The following APOD variants were observed in gnomAD, a reference collection of about 807,000 sequenced individuals.
The protein encoded by APOD is apolipoprotein D.
A neutral mutation model predicts 20.4 loss-of-function variants in APOD; 22 were observed. The observed-to-expected ratio is 1.08, with a 90% CI of 0.77 to 1.54. APOD has a LOEUF of 1.54. Among genes scored for constraint, APOD ranks in the 40% most tolerant of loss-of-function variants. The pLI is 0.00. For synonymous variants in APOD, 97 were observed against 92.4 expected, an observed-to-expected ratio of 1.05 and a Z score of -0.29; for missense variants, 223 against 229.6, an observed-to-expected ratio of 0.97 and a Z score of 0.19.
intron 1 of APOD, among the ~76,000 whole-genome samples, chr3:195,581,632 A>G (rs1577607384): frequency 6.6e-6 from 1 of 152,156 alleles, no homozygotes; most frequent in Admixed American, 6.5e-5. Context: ...TGTCTGCAGC[A>G]CCCCGAATCT....
At chr3:195,575,600 T>A (rs1720234762) in intron 2 of APOD, among the ~76,000 whole-genome samples, 1 of 152,232 alleles carries the variant, frequency 6.6e-6, no homozygotes, top group Non-Finnish European at 1.5e-5. Flanking sequence ...TTGAACAATG[T>A]AAATATATTT....
At position 195,568,835 on chromosome 3, in the gene APOD, G is replaced by GC. The variant is rs1560456908; in HGVS notation, c.*64_*65insG. On this transcript the variant is annotated 3_prime_UTR_variant, in exon 5 of 5. Coordinates refer to ENST00000343267, the MANE Select transcript of APOD (RefSeq NM_001647.4). ...TGGTTGATTGGTTTGTCTTTATGGG[G>GC]GGGGGGTAGGGGAAAGCGAAGCAGA... is the stretch of plus-strand genomic sequence containing the variant. 7.4e-5 allele frequency: 79 copies of GC among 1,064,868 alleles called. No individual in the cohort carries two copies. Among genetic ancestry groups the GC allele is most frequent in the East Asian group, 6.0e-4 (24 of 39,984 alleles). The allele number at this position is 1,064,868 out of a possible 1,614,324, so 66.0% of individuals were successfully genotyped here. A position where few individuals can be genotyped will look rare whatever the true frequency, so the allele number is the denominator to read the frequency against.
Position 195,569,985 on chromosome 3 carries a change from G to C in APOD, c.335-850C>G, listed in dbSNP as rs527988183. 2.0e-5 allele frequency among the ~76,000 whole-genome samples: 3 copies of C among 151,796 alleles called. No homozygotes were observed. In the South Asian group the frequency reaches 6.3e-4, roughly 32 times the overall value. ...CAGCTAATTTTTTGTATCTTTAGTA[G>C]AGACAGGGTTTCACCATGTCGGCCA... On this transcript the variant is annotated intron_variant, in intron 4 of 4. Coordinates refer to ENST00000343267, the MANE Select transcript of APOD (RefSeq NM_001647.4).
Position 195,569,220 on chromosome 3 carries a change from C to T in APOD, c.335-85G>A, listed in dbSNP as rs1171470031. The T allele has an allele frequency of 3.5e-6, 4 of 1,157,836 alleles. No homozygotes were observed. The East Asian group carries it at 9.5e-5, about 27-fold the overall frequency. 71.7% of individuals were successfully genotyped at this position (1,157,836 alleles called of 1,614,324 possible). On this transcript the variant is annotated intron_variant, in intron 4 of 4. Coordinates refer to ENST00000343267, the MANE Select transcript of APOD (RefSeq NM_001647.4). ...ACACAAGAAGGCTGGCCCAGACAACCACCCACCAAGCCCCCCACCTCTGAT... is the reference window on the plus strand; with the variant it reads ...ACACAAGAAGGCTGGCCCAGACAACTACCCACCAAGCCCCCCACCTCTGAT...
intron 4 of APOD, 86 bp from the exon 5 acceptor site, chr3:195,569,221 A>C: frequency 8.8e-7 from 1 of 1,130,644 alleles, no homozygotes; most frequent in East Asian, 2.4e-5. Flanking sequence ...CCAGACAACC[A>C]CCCACCAAGC....
chr3:195,578,076 C>G (rs2108970326), intron 2 of APOD, among the ~76,000 whole-genome samples: 1 of 152,314 alleles, frequency 6.6e-6, no homozygotes, highest in Non-Finnish European at 1.5e-5. Flanking sequence ...AATTATATCT[C>G]AATAAAGCTG....
chr3:195,576,102 G>T (rs1329880621), intron 2 of APOD, among the ~76,000 whole-genome samples: 1 of 152,156 alleles, frequency 6.6e-6, no homozygotes, highest in Admixed American at 6.6e-5. Context: ...TTCAATTAAA[G>T]CCACTGAACT....
chr3:195,573,072 T>A (rs1392375770), intron 3 of APOD, among the ~76,000 whole-genome samples: 1 of 152,212 alleles, frequency 6.6e-6, no homozygotes, highest in African/African-American at 2.4e-5. Context: ...TGTTTCTATC[T>A]GCATACGTTA....
chr3:195,569,450 T>TC (rs1270169947), intron 4 of APOD, among the ~76,000 whole-genome samples: 1 of 152,056 alleles, frequency 6.6e-6, no homozygotes, highest in Non-Finnish European at 1.5e-5. Context: ...CTCTGTGTAT[T>TC]CCCAGGTGGA....
At chr3:195,574,524 G>A (rs1720219083) in intron 2 of APOD, among the ~76,000 whole-genome samples, 1 of 152,198 alleles carries the variant, frequency 6.6e-6, no homozygotes, top group Admixed American at 6.5e-5. Context: ...TGTGGGGAAG[G>A]TCGAGGGAAC....
chr3:195,581,871 CT>C (rs904741584), intron 1 of APOD, among the ~76,000 whole-genome samples: 1 of 152,148 alleles, frequency 6.6e-6, no homozygotes, highest in Non-Finnish European at 1.5e-5. Flanking sequence ...AGTTTTATTC[CT>C]GTGGTTAAAA....
chr3:195,572,643 G>A (rs1287804579), intron 3 of APOD, among the ~76,000 whole-genome samples: 1 of 152,196 alleles, frequency 6.6e-6, no homozygotes, highest in Non-Finnish European at 1.5e-5. Context: ...CAACAGAGGA[G>A]AGGATGTCTG....
chr3:195,579,637 G>A (rs1347708398), intron 1 of APOD, 142 bp from the exon 2 acceptor site: 3 of 872,348 alleles, frequency 3.4e-6, no homozygotes, highest in Non-Finnish European at 5.2e-6. Context: ...CCCTCATCCT[G>A]CAGGGGAACA....
intron 4 of APOD, chr3:195,570,477 C>T (rs912937445): frequency 5.3e-5 from 8 of 152,224 alleles, no homozygotes; most frequent in Non-Finnish European, 1.2e-4. Context: ...TCCCAGCATT[C>T]CTTTCTTGGT....
At chr3:195,577,231 C>G (rs1474423602) in intron 2 of APOD, 1 of 316,550 alleles carries the variant, frequency 3.2e-6, no homozygotes, top group Non-Finnish European at 6.0e-6. Flanking sequence ...ATTCCATTTA[C>G]AATAACATCA....
chr3:195,571,485 A>AG, intron 3 of APOD, 120 bp from the exon 4 acceptor site: 2 of 828,050 alleles, frequency 2.4e-6, no homozygotes, highest in Non-Finnish European at 3.8e-6. Flanking sequence ...GTGGCAGCCA[A>AG]CACCGTGATT....
At chr3:195,580,145 C>T (rs1209301799) in intron 1 of APOD, among the ~76,000 whole-genome samples, 1 of 152,132 alleles carries the variant, frequency 6.6e-6, no homozygotes, top group African/African-American at 2.4e-5. Flanking sequence ...TAACTGTGTC[C>T]AATTTATGCC....
In APOD at chr3:195,579,482, G is replaced by A. The variant is rs770636060; in HGVS notation, c.-21C>T. 3.2e-5 allele frequency: 52 copies of A among 1,610,170 alleles called. No individual in the cohort carries two copies. Among genetic ancestry groups the A allele is most frequent in the Non-Finnish European group, 3.5e-5 (41 of 1,179,934 alleles). ...ACCATCTTGGGGCTGGGTGGCTGGA[G>A]AAGGGACCTGGAGCTGCGGGAACGC... On this transcript the variant is annotated 5_prime_UTR_variant, in exon 2 of 5. Coordinates refer to ENST00000343267, the MANE Select transcript of APOD (RefSeq NM_001647.4).
rs747547935 is a variant in APOD at position 195,573,815 on chromosome 3, C to T, written c.245+35G>A. 20 of 1,609,398 alleles carry T rather than the reference C, an allele frequency of 1.2e-5. No individual in the cohort carries two copies. In the Admixed American group the frequency reaches 1.3e-4, roughly 11 times the overall value. On this transcript the variant is annotated intron_variant, in intron 3 of 4. Transcript: ENST00000343267. ...ACCCAGTCACTCTGCATCAGCACTC[C>T]GCAGGCCTGGCCCCGGACGCCCACA...
Sources: gnomAD v4.1 joint callset for allele counts (sites outside exome capture counted in the v4.1 genomes callset) on GRCh38, gnomAD v4.1.1 for gene constraint, MANE v1.5 for transcripts, NCBI Gene and HGNC (gene_info 2026-07-23, HGNC 2026-07-21) for gene names.